The following UPK1B variants were observed in gnomAD, a reference collection of about 807,000 sequenced individuals.
UPK1B encodes uroplakin-1b.
Under a neutral mutation model 34.2 loss-of-function variants are expected in UPK1B, and 28 were observed. The ratio of observed to expected loss-of-function variants is 0.82; its 90% CI spans 0.61 to 1.12. UPK1B has a LOEUF of 1.12. Among genes scored for constraint, UPK1B ranks in the 50% most tolerant of loss-of-function variants. The probability of loss-of-function intolerance (pLI) is 0.00; values close to 1 mark genes in which losing one functional copy is unlikely to be tolerated. For synonymous variants in UPK1B, 81 were observed against 110.4 expected (o/e 0.73, Z 1.67); for missense variants, 325 against 320.9 (o/e 1.01, Z -0.10).
chr3:119,204,568 C>G lies in UPK1B; in HGVS notation c.*601C>G, dbSNP rs2078110199. 6.6e-6 allele frequency: 1 copy of G among 152,414 alleles called. No individual in the cohort carries two copies. Among genetic ancestry groups the G allele is most frequent in the African/African-American group, 2.4e-5 (1 of 41,424 alleles). 9.4% of individuals were successfully genotyped at this position (152,414 alleles called of 1,614,324 possible). ...TACCTTGAAGTATGTGTTTAGTAGC[C>G]TCAATTCTCCATTAATTAAAAGTGT... is the stretch of plus-strand genomic sequence containing the variant. On this transcript the variant is annotated 3_prime_UTR_variant, in exon 8 of 8. Transcript: ENST00000264234.
intron 2 of UPK1B, among the ~76,000 whole-genome samples, chr3:119,187,448 C>T (rs2078024268): frequency 6.6e-6 from 1 of 152,154 alleles, no homozygotes; most frequent in Non-Finnish European, 1.5e-5. Context: ...ATATTACAAC[C>T]CAGAAATGTG....
chr3:119,183,477 G>A (rs1372401450), intron 1 of UPK1B, among the ~76,000 whole-genome samples: 1 of 151,976 alleles, frequency 6.6e-6, no homozygotes, highest in East Asian at 1.9e-4. Flanking sequence ...GGCCAGGCTG[G>A]TCTCGAACTC....
chr3:119,182,221 C>G (rs556380373), intron 1 of UPK1B, among the ~76,000 whole-genome samples: 1 of 152,222 alleles, frequency 6.6e-6, no homozygotes, highest in Admixed American at 6.5e-5. Context: ...TTGTGTAAGC[C>G]CTCCTGGTCC....
chr3:119,190,961 T>C (rs1487066591), intron 4 of UPK1B, 21 bp from the exon 5 acceptor site: 9 of 1,612,792 alleles, frequency 5.6e-6, no homozygotes, highest in Non-Finnish European at 7.6e-6. Flanking sequence ...CTCCCTCTTG[T>C]GTTGCCTCTT....
intron 3 of UPK1B, among the ~76,000 whole-genome samples, chr3:119,189,125 G>T (rs765923724): frequency 3.9e-5 from 6 of 152,150 alleles, no homozygotes; most frequent in Non-Finnish European, 7.3e-5. Context: ...AGGCAAAGGG[G>T]CTAAAGGAGG....
chr3:119,202,388 G>A (rs1426130952), intron 7 of UPK1B, among the ~76,000 whole-genome samples: 16 of 152,158 alleles, frequency 1.1e-4, no homozygotes, highest in Admixed American at 1.0e-3. Context: ...TTACTTCTCT[G>A]TGCCTCCGTT....
intron 6 of UPK1B, among the ~76,000 whole-genome samples, chr3:119,195,363 A>G (rs2078062061): frequency 6.6e-6 from 1 of 152,210 alleles, no homozygotes; most frequent in Non-Finnish European, 1.5e-5. Flanking sequence ...AATAATTGAG[A>G]AATGTCAGGC....
intron 1 of UPK1B, among the ~76,000 whole-genome samples, chr3:119,175,189 G>A (rs566671935): frequency 3.3e-5 from 5 of 151,468 alleles, no homozygotes; most frequent in East Asian, 1.9e-4. Flanking sequence ...CACCACGCCC[G>A]GCCAATTTTT....
intron 5 of UPK1B, among the ~76,000 whole-genome samples, chr3:119,192,081 C>T (rs1257821781): frequency 1.3e-5 from 2 of 152,188 alleles, no homozygotes; most frequent in African/African-American, 4.8e-5. Flanking sequence ...CACCCTCTTC[C>T]ATGACCATAG....
Position 119,205,119 on chromosome 3 carries a change from T to C in UPK1B, c.*1152T>C, listed in dbSNP as rs1026473579. On this transcript the variant is annotated 3_prime_UTR_variant, in exon 8 of 8. Transcript: ENST00000264234. ...ATAACTCAACATTTGTCTGGTCTTA[T>C]AAGTAAAGACAGCTTTAAAATCTGT... The C allele has an allele frequency of 6.6e-6, 1 of 152,250 alleles. No homozygotes were observed. The highest frequency in any genetic ancestry group is 6.5e-5 in the Admixed American group (1 of 15,278). The allele number at this position is 152,250 out of a possible 1,614,324, so 9.4% of individuals were successfully genotyped here.
Position 119,187,731 on chromosome 3 carries a change from C to T in UPK1B, c.70-44C>T, listed in dbSNP as rs184612880. 2.2e-5 allele frequency: 35 copies of T among 1,603,460 alleles called. No individual in the cohort carries two copies. In the African/African-American group the frequency reaches 4.2e-4, roughly 19 times the overall value. On this transcript the variant is annotated intron_variant, in intron 2 of 7. Coordinates refer to ENST00000264234, the MANE Select transcript of UPK1B (RefSeq NM_006952.4). The stretch of plus-strand genomic sequence containing the variant: ...CTTCCCCACCCTCCACCCCCTTTCC[C>T]AAAGCTGCACTCCTGATGGAGCCCA...
intron 1 of UPK1B, among the ~76,000 whole-genome samples, chr3:119,178,746 A>G (rs2077971178): frequency 4.6e-5 from 7 of 152,210 alleles, no homozygotes; most frequent in Admixed American, 3.3e-4. Flanking sequence ...GACTGGAATC[A>G]TTCAATATTG....
intron 3 of UPK1B, among the ~76,000 whole-genome samples, chr3:119,189,242 G>A (rs758863102): frequency 4.6e-5 from 7 of 152,174 alleles, no homozygotes; most frequent in Non-Finnish European, 7.4e-5. Flanking sequence ...ATGTTCTGGG[G>A]CCTCTGAAGG....
Position 119,183,364 on chromosome 3 carries a change from C to T in UPK1B, c.-28-3350C>T, listed in dbSNP as rs527835952. 5.3e-5 allele frequency among the ~76,000 whole-genome samples: 8 copies of T among 151,522 alleles called. No homozygotes were observed. The South Asian group carries it at 8.4e-4, about 16-fold the overall frequency. On this transcript the variant is annotated intron_variant, in intron 1 of 7. Transcript: ENST00000264234. The stretch of plus-strand genomic sequence containing the variant: ...ACAACCTCCACCTCCCAGGTTCAAG[C>T]GATTCTCCTGACTCAGCCTCCCAAG...
intron 5 of UPK1B, among the ~76,000 whole-genome samples, chr3:119,191,659 T>G (rs967932199): frequency 3.9e-5 from 6 of 152,206 alleles, no homozygotes; most frequent in African/African-American, 1.4e-4. Context: ...AACTCCCTTA[T>G]AGCCACCACT....
At chr3:119,180,675 T>C (rs944969935) in intron 1 of UPK1B, among the ~76,000 whole-genome samples, 1 of 146,420 alleles carries the variant, frequency 6.8e-6, no homozygotes, top group Admixed American at 6.7e-5. Context: ...ATAATGTCTT[T>C]TTTTTTTTTT....
At position 119,194,374 on chromosome 3, in the gene UPK1B, C is replaced by A. The variant is rs544911113; in HGVS notation, c.624C>A (p.Gly208=). The A allele has an allele frequency of 1.2e-6, 2 of 1,612,712 alleles. No individual in the cohort carries two copies. The highest frequency in any genetic ancestry group is 3.3e-5 in the Admixed American group (2 of 59,916). Residue 208 remains glycine (G), a synonymous_variant, in exon 6 of 8, where the codon GGC becomes GGA. Coordinates refer to ENST00000264234, the MANE Select transcript of UPK1B (RefSeq NM_006952.4). ...EPLNLEACKL[G]VPGFYHNQGC... ...TCAACCTGGAGGCTTGTAAACTAGG[C>A]GTGCCTGGTTTTTATCACAATCAGG...
In UPK1B at chr3:119,204,275, C is replaced by T. The variant is rs76337943; in HGVS notation, c.*308C>T. The T allele has an allele frequency of 1.2e-5, 4 of 333,500 alleles. No individual in the cohort carries two copies. The East Asian group carries it at 1.6e-4, about 14-fold the overall frequency. The allele number at this position is 333,500 out of a possible 1,614,324, so 20.7% of individuals were successfully genotyped here. Reference sequence around the variant, plus strand: ...GGGAAAATAAATACATTCGAAGGAACCTGTGTTATCACAGTAACCCAGAGC... The same window carrying T: ...GGGAAAATAAATACATTCGAAGGAATCTGTGTTATCACAGTAACCCAGAGC... On this transcript the variant is annotated 3_prime_UTR_variant, in exon 8 of 8. Transcript: ENST00000264234.
rs9840317 is a variant in UPK1B, at chr3:119,190,312, A to G, written c.338A>G (p.Gln113Arg). ...TCTTGTATCACAGCAGCAACACAAC[A>G]AGACTTTGTGAGTACAACCTCAAAA... ...VASCITAATQ[Q>R]DFFTPNLFLK... The change falls in exon 4 of 8, where the codon CAA becomes CGA. Residue 113 changes from glutamine (Q) to arginine (R), a missense_variant. By Grantham distance (43) the Gln-to-Arg change is conservative (BLOSUM62 1). Coordinates refer to ENST00000264234, the MANE Select transcript of UPK1B (RefSeq NM_006952.4). 0.96 allele frequency: 1,545,531 copies of G among 1,610,978 alleles called. 742,010 individuals carry two copies. The highest frequency in any genetic ancestry group is 0.97 in the Non-Finnish European group (1,142,216 of 1,177,920).
Sources: allele counts gnomAD v4.1 joint callset (sites outside exome capture counted in the v4.1 genomes callset), GRCh38; gene constraint gnomAD v4.1.1; transcripts MANE v1.5; gene names NCBI Gene and HGNC (gene_info 2026-07-23, HGNC 2026-07-21).